The following MIA2 variants were observed in gnomAD, a reference collection of about 807,000 sequenced individuals.
The protein encoded by MIA2 is MIA SH3 domain ER export factor 2.
MIA2 carries 127 observed loss-of-function variants against 167.8 expected under a neutral mutation model. That is an observed-to-expected ratio of 0.76 (90% confidence interval 0.66 to 0.88). The LOEUF (loss-of-function observed/expected upper bound fraction) is 0.88, where lower values mean the gene tolerates loss of function less well. Ranked by LOEUF, MIA2 falls within the 40% of genes least tolerant of loss-of-function variation. MIA2 has a pLI of 0.00. For missense variants in MIA2, 1,690 were observed against 1,624.7 expected, an observed-to-expected ratio of 1.04 and a Z score of -0.69; for synonymous variants, 552 against 541.9, an observed-to-expected ratio of 1.02 and a Z score of -0.26.
chr14:39,284,172 G>A (rs934395015), intron 9 of MIA2, among the ~76,000 whole-genome samples: 3 of 152,060 alleles, frequency 2.0e-5, no homozygotes, highest in Non-Finnish European at 4.4e-5. Flanking sequence ...TCTTCTAGGA[G>A]TTTTGTAGTT....
chr14:39,381,093 C>T (rs974399413), intron 23 of MIA2, among the ~76,000 whole-genome samples: 1 of 151,092 alleles, frequency 6.6e-6, no homozygotes, highest in Non-Finnish European at 1.5e-5. Flanking sequence ...TGTCTGTTTA[C>T]ACTCTTGGGG....
intron 23 of MIA2, among the ~76,000 whole-genome samples, chr14:39,358,725 G>A (rs956819207): frequency 2.0e-5 from 3 of 152,094 alleles, no homozygotes; most frequent in Middle Eastern, 3.2e-3. Context: ...TACAGATGGG[G>A]TTTTGGTGTT....
intron 25 of MIA2, among the ~76,000 whole-genome samples, chr14:39,332,749 C>G (rs28756493): frequency 0.072 from 10,983 of 151,950 alleles, 503 homozygotes; most frequent in South Asian, 0.19. Context: ...GTGGACTGCA[C>G]CCGCTCTCTA....
intron 26 of MIA2, among the ~76,000 whole-genome samples, chr14:39,347,330 C>G (rs1022973669): frequency 6.6e-6 from 1 of 152,016 alleles, no homozygotes; most frequent in Non-Finnish European, 1.5e-5. Context: ...TAGCTAGTCT[C>G]TCTTACTTAA....
chr14:39,240,427 A>C, intron 2 of MIA2, 134 bp from the exon 3 acceptor site: 1 of 525,522 alleles, frequency 1.9e-6, no homozygotes, highest in South Asian at 3.1e-5. Flanking sequence ...TCTTTTTTAT[A>C]TGGAAATTGA....
chr14:39,324,172 G>A (rs1379109732), intron 24 of MIA2, among the ~76,000 whole-genome samples: 1 of 152,110 alleles, frequency 6.6e-6, no homozygotes, highest in Non-Finnish European at 1.5e-5. Context: ...ATATTCACTG[G>A]GTAGTCAGTT....
At chr14:39,288,453 A>ATTTTTTTT (rs1566747188) in intron 9 of MIA2, among the ~76,000 whole-genome samples, 2 of 13,808 alleles carry the variant, frequency 1.4e-4, no homozygotes, top group Non-Finnish European at 3.4e-4. Flanking sequence ...ATATATATAT[A>ATTTTTTTT]TATATATATA....
chr14:39,292,306 A>G (rs891273205), intron 10 of MIA2, among the ~76,000 whole-genome samples: 1 of 152,174 alleles, frequency 6.6e-6, no homozygotes, highest in Admixed American at 6.5e-5. Context: ...TTACACATCA[A>G]TTTATTTTCA....
chr14:39,339,581 A>ACAT, intron 25 of MIA2, among the ~76,000 whole-genome samples: 1 of 152,338 alleles, frequency 6.6e-6, no homozygotes, highest in Non-Finnish European at 1.5e-5. Flanking sequence ...GATAAAAGAT[A>ACAT]AATTATTAAA....
intron 10 of MIA2, among the ~76,000 whole-genome samples, chr14:39,291,502 G>A (rs1246385222): frequency 6.6e-6 from 1 of 152,184 alleles, no homozygotes; most frequent in African/African-American, 2.4e-5. Context: ...AATTATGACA[G>A]TATTTGCTTT....
intron 23 of MIA2, among the ~76,000 whole-genome samples, chr14:39,358,355 A>G (rs896436205): frequency 3.9e-5 from 6 of 152,170 alleles, no homozygotes; most frequent in Non-Finnish European, 8.8e-5. Context: ...CGGCTACTGA[A>G]GCTTGTGCAT....
intron 7 of MIA2, among the ~76,000 whole-genome samples, chr14:39,277,891 T>A (rs1255169865): frequency 6.6e-6 from 1 of 151,138 alleles, no homozygotes; most frequent in Non-Finnish European, 1.5e-5. Flanking sequence ...ACTCCTGGGC[T>A]TAAGCAATCC....
At chr14:39,342,026 A>T (rs978323029) in intron 25 of MIA2, among the ~76,000 whole-genome samples, 50 of 152,120 alleles carry the variant, frequency 3.3e-4, no homozygotes, top group East Asian at 3.9e-4. Flanking sequence ...TAAAAAAAAA[A>T]TTTTATTATA....
intron 3 of MIA2, among the ~76,000 whole-genome samples, chr14:39,245,658 T>C (rs569627429): frequency 9.6e-4 from 146 of 152,282 alleles, no homozygotes; most frequent in African/African-American, 3.3e-3. Context: ...AGAAGTCTTC[T>C]TGATGCAACA....
chr14:39,234,502 A>G (rs544438505), intron 1 of MIA2, among the ~76,000 whole-genome samples: 1 of 152,278 alleles, frequency 6.6e-6, no homozygotes, highest in African/African-American at 2.4e-5. Flanking sequence ...TTTAAAGATT[A>G]ATCTAGGAGT....
chr14:39,319,793 A>G (rs1039965628), intron 23 of MIA2, among the ~76,000 whole-genome samples: 5 of 151,792 alleles, frequency 3.3e-5, no homozygotes, highest in African/African-American at 4.8e-5. Context: ...GGGAGGACCA[A>G]TTTTTTTTGT....
chr14:39,319,101 G>A, intron 22 of MIA2, 108 bp from the exon 23 acceptor site: 1 of 516,238 alleles, frequency 1.9e-6, no homozygotes. Flanking sequence ...TGTTTGTTCT[G>A]TGTAGATATT....
intron 25 of MIA2, among the ~76,000 whole-genome samples, chr14:39,330,755 T>C (rs889627761): frequency 1.3e-5 from 2 of 152,210 alleles, no homozygotes; most frequent in African/African-American, 4.8e-5. Flanking sequence ...TTGTTCAGTT[T>C]CCATGTAGCT....
At chr14:39,362,746 T>C (rs2074714449) in intron 23 of MIA2, among the ~76,000 whole-genome samples, 1 of 152,166 alleles carries the variant, frequency 6.6e-6, no homozygotes, top group Non-Finnish European at 1.5e-5. Flanking sequence ...TTCTTGCTTT[T>C]CTGTTTCCTT....
Sources: allele counts gnomAD v4.1 joint callset (sites outside exome capture counted in the v4.1 genomes callset), GRCh38; gene constraint gnomAD v4.1.1; transcripts MANE v1.5; gene names NCBI Gene and HGNC (gene_info 2026-07-23, HGNC 2026-07-21).